Variants in USP47 observed in about 807,000 individuals in gnomAD.
USP47 encodes ubiquitin specific peptidase 47, also known as ubiquitin carboxyl-terminal hydrolase 47.
Under a neutral mutation model 165.1 loss-of-function variants are expected in USP47, and 35 were observed. That is an observed-to-expected ratio of 0.21 (90% CI 0.16 to 0.28). The LOEUF (loss-of-function observed/expected upper bound fraction) is 0.28. USP47 is among the 10% of genes least tolerant of loss of function. The pLI, the probability that USP47 is intolerant of heterozygous loss-of-function variation, is 1.00. For missense variants in USP47, 1,277 were observed against 1,607.4 expected (o/e 0.79, Z 3.52); for synonymous variants, 531 against 544.5 (o/e 0.98, Z 0.35).
chr11:11,910,344 A>T (rs1354773203), intron 8 of USP47, among the ~76,000 whole-genome samples: 5 of 152,148 alleles, frequency 3.3e-5, no homozygotes, highest in Non-Finnish European at 7.4e-5. Context: ...GGAAACAGCA[A>T]TGGGTACAGA....
chr11:11,955,901 AT>A, intron 27 of USP47, 99 bp from the exon 28 acceptor site: 1 of 963,308 alleles, frequency 1.0e-6, no homozygotes, highest in Non-Finnish European at 1.5e-6. Flanking sequence ...CCAGTAACAG[AT>A]TTCATTATCT....
chr11:11,952,687 A>T, intron 24 of USP47, 54 bp from the exon 25 acceptor site: 2 of 1,463,816 alleles, frequency 1.4e-6, no homozygotes, highest in Non-Finnish European at 1.8e-6. Context: ...GGAAAAGTCA[A>T]ATTATGAACC....
intron 7 of USP47, among the ~76,000 whole-genome samples, chr11:11,905,034 C>T (rs1266032677): frequency 1.3e-5 from 2 of 151,944 alleles, no homozygotes; most frequent in East Asian, 3.9e-4. Context: ...GATTTACTCT[C>T]ATCTTAATGT....
intron 1 of USP47, among the ~76,000 whole-genome samples, chr11:11,860,353 A>G (rs1564853510): frequency 1.3e-5 from 2 of 151,998 alleles, no homozygotes; most frequent in East Asian, 2.0e-4. Context: ...TTACACAGCT[A>G]GAAGAAAAGT....
rs1181943427 is a variant in USP47 at position 11,942,924 on chromosome 11, A to G, written c.2903A>G (p.His968Arg). The part of the protein sequence containing the change: ...QIPLANGLDS[H>R]SITSSRRTKA... ...CCTTTGGCTAATGGACTTGACTCTC[A>G]CAGTATCACAAGTAGTAGAAGAACG... The change falls in exon 20 of 28, where the codon CAC becomes CGC. Residue 968 changes from histidine (H) to arginine (R), a missense_variant. His to Arg is a conservative substitution (Grantham distance 29). Coordinates refer to ENST00000527733, the MANE Select transcript of USP47 (RefSeq NM_001282659.2). The G allele has an allele frequency of 6.2e-7, 1 of 1,613,536 alleles. No homozygotes were observed. The highest frequency in any genetic ancestry group is 1.7e-5 in the Admixed American group (1 of 59,904).
At chr11:11,866,683 G>A (rs777165179) in intron 1 of USP47, among the ~76,000 whole-genome samples, 6 of 151,914 alleles carry the variant, frequency 3.9e-5, no homozygotes, top group Non-Finnish European at 5.9e-5. Context: ...TAATCTATTG[G>A]TGACAGAAAT....
chr11:11,937,519 C>T (rs1367933689), intron 17 of USP47, among the ~76,000 whole-genome samples: 2 of 150,396 alleles, frequency 1.3e-5, no homozygotes, highest in South Asian at 2.1e-4. Context: ...ATGTCTACTT[C>T]GACTTCTAAG....
chr11:11,933,911 G>A lies in USP47; in HGVS notation c.1845G>A (p.Lys615=). The change falls in exon 16 of 28, where the codon AAG becomes AAA. Residue 615 remains lysine, a synonymous_variant. Coordinates refer to ENST00000527733, the MANE Select transcript of USP47 (RefSeq NM_001282659.2). ...KLEVHKDKTL[K]EAVEMAYKMM... is the part of the protein sequence containing the mutation. The stretch of plus-strand genomic sequence containing the variant: ...AGGTTCATAAGGATAAGACATTAAA[G>A]GAAGCAGTAGAAATGGCTTATAAGG... 1 of 1,608,476 alleles carries A rather than the reference G, an allele frequency of 6.2e-7. No individual in the cohort carries two copies. Among genetic ancestry groups the A allele is most frequent in the East Asian group, 2.2e-5 (1 of 44,612 alleles).
intron 1 of USP47, among the ~76,000 whole-genome samples, chr11:11,854,866 G>A (rs1243875316): frequency 1.4e-5 from 2 of 147,114 alleles, no homozygotes; most frequent in Admixed American, 1.4e-4. Context: ...GGCTGAAGCA[G>A]GCGGATCACG....
chr11:11,919,121 G>C (rs1031385655), intron 8 of USP47, among the ~76,000 whole-genome samples: 12 of 151,628 alleles, frequency 7.9e-5, no homozygotes, highest in Non-Finnish European at 1.5e-4. Flanking sequence ...GAATATCTAT[G>C]TCTTTTCTTA....
chr11:11,926,028 T>C (rs1465346559), intron 11 of USP47, among the ~76,000 whole-genome samples: 1 of 152,212 alleles, frequency 6.6e-6, no homozygotes, highest in Non-Finnish European at 1.5e-5. Flanking sequence ...GTTAATGTAG[T>C]GTATTACATT....
intron 1 of USP47, among the ~76,000 whole-genome samples, chr11:11,874,668 T>C (rs371871465): frequency 1.3e-5 from 2 of 152,010 alleles, no homozygotes; most frequent in East Asian, 3.9e-4. Flanking sequence ...CAAGCAATTC[T>C]CCTGCCTCAG....
chr11:11,904,116 A>G (rs765105158), intron 7 of USP47, among the ~76,000 whole-genome samples: 4 of 152,198 alleles, frequency 2.6e-5, no homozygotes, highest in Non-Finnish European at 5.9e-5. Flanking sequence ...AGAACATCAC[A>G]TAAGAGTAAG....
intron 3 of USP47, among the ~76,000 whole-genome samples, chr11:11,890,834 CA>C (rs1439848607): frequency 6.6e-6 from 1 of 152,126 alleles, no homozygotes; most frequent in African/African-American, 2.4e-5. Flanking sequence ...GCATCCATAA[CA>C]ACTAACAAGA....
In USP47 at chr11:11,961,441, C is replaced by T. The variant is rs1256691656; in HGVS notation, c.*5266C>T. Among the ~76,000 whole-genome samples the T allele has an allele frequency of 2.0e-5, 3 of 152,108 alleles. No individual in the cohort carries two copies. Among genetic ancestry groups the T allele is most frequent in the Non-Finnish European group, 4.4e-5 (3 of 68,026 alleles). ...GAGCTGGCACCTGAGAAGGACAGAACTGTCATTGCAGGATTTGAAGATGAA... is the reference window on the plus strand; with the variant it reads ...GAGCTGGCACCTGAGAAGGACAGAATTGTCATTGCAGGATTTGAAGATGAA... On this transcript the variant is annotated 3_prime_UTR_variant, in exon 28 of 28. Transcript: ENST00000527733.
rs1300802562 is a variant in USP47, at chr11:11,892,380, C to CTTTTTTTTTTT, written c.496+283_496+293dup. On this transcript the variant is annotated intron_variant, in intron 4 of 27. Transcript: ENST00000527733. ...AGACTTTTCTTTTCTTTTTAATTTTCTTTTTTTTTTTTTTTTTTTGAGACA... is the reference window on the plus strand; with the variant it reads ...AGACTTTTCTTTTCTTTTTAATTTTCTTTTTTTTTTTTTTTTTTTTTTTTTTTTTTGAGACA... Among the ~76,000 whole-genome samples the CTTTTTTTTTTT allele has an allele frequency of 3.2e-4, 39 of 121,126 alleles. 3 individuals are homozygous for CTTTTTTTTTTT. Among genetic ancestry groups the CTTTTTTTTTTT allele is most frequent in the African/African-American group, 3.8e-4 (12 of 31,558 alleles). 79.5% of individuals were successfully genotyped at this position (121,126 alleles called of 152,430 possible).
chr11:11,940,757 C>A (rs1168158800), intron 19 of USP47, among the ~76,000 whole-genome samples: 2 of 151,878 alleles, frequency 1.3e-5, no homozygotes, highest in Non-Finnish European at 2.9e-5. Context: ...TTCTCCTCTT[C>A]TTTGCCTTTG....
intron 11 of USP47, among the ~76,000 whole-genome samples, chr11:11,925,025 A>T (rs1854127713): frequency 6.6e-6 from 1 of 150,982 alleles, no homozygotes. Flanking sequence ...AACAGTATTA[A>T]GTCTTCCAGT....
intron 1 of USP47, among the ~76,000 whole-genome samples, chr11:11,862,570 A>T (rs1306831462): frequency 1.3e-5 from 2 of 152,190 alleles, no homozygotes; most frequent in Non-Finnish European, 2.9e-5. Flanking sequence ...AGAAAAACTG[A>T]TATAAATCCT....
Sources: allele counts gnomAD v4.1 joint callset (sites outside exome capture counted in the v4.1 genomes callset), GRCh38; gene constraint gnomAD v4.1.1; transcripts MANE v1.5; gene names NCBI Gene and HGNC (gene_info 2026-07-23, HGNC 2026-07-21).